Variants in PPARGC1A observed in about 807,000 individuals in gnomAD.
The protein encoded by PPARGC1A is peroxisome proliferator-activated receptor gamma coactivator 1-alpha.
Under a neutral mutation model 88.7 loss-of-function variants are expected in PPARGC1A, and 25 were observed. The ratio of observed to expected loss-of-function variants is 0.28; its 90% CI spans 0.21 to 0.39. The LOEUF is 0.39. Among genes scored for constraint, PPARGC1A ranks in the 10% least tolerant of loss-of-function variants. PPARGC1A has a pLI of 1.00. For missense variants in PPARGC1A, 880 were observed against 968.7 expected, an observed-to-expected ratio of 0.91 and a Z score of 1.22; for synonymous variants, 363 against 355.6, an observed-to-expected ratio of 1.02 and a Z score of -0.24.
the PPARGC1A span, among the ~76,000 whole-genome samples, chr4:24,255,896 T>C: frequency 6.6e-6 from 1 of 152,210 alleles, no homozygotes; most frequent in Non-Finnish European, 1.5e-5. Context: ...CATAGGGTTG[T>C]TGGGTGAATG....
chr4:24,030,381 T>C, the PPARGC1A span, among the ~76,000 whole-genome samples: 1 of 152,230 alleles, frequency 6.6e-6, no homozygotes, highest in Admixed American at 6.5e-5. Context: ...TAATGGCTGA[T>C]GTCAATAGTC....
At chr4:24,431,129 AAAAAAAAAAAAAAGAG>A in the PPARGC1A span, among the ~76,000 whole-genome samples, 8 of 150,506 alleles carry the variant, frequency 5.3e-5, no homozygotes, top group African/African-American at 1.9e-4. Flanking sequence ...CATCTCAAAA[AAAAAAAAAAAAAAGAG>A]AAAAAAAAAA....
chr4:23,929,993 T>A, the PPARGC1A span, among the ~76,000 whole-genome samples: 1 of 152,118 alleles, frequency 6.6e-6, no homozygotes, highest in South Asian at 2.1e-4. Flanking sequence ...TGGCTGATAT[T>A]CAACCTCTCC....
chr4:24,175,296 T>G, the PPARGC1A span, among the ~76,000 whole-genome samples: 1 of 151,826 alleles, frequency 6.6e-6, no homozygotes, highest in Non-Finnish European at 1.5e-5. Flanking sequence ...GATAAAGAGA[T>G]GATCCCATTT....
chr4:24,377,855 T>A, the PPARGC1A span, among the ~76,000 whole-genome samples: 1 of 152,200 alleles, frequency 6.6e-6, no homozygotes. Flanking sequence ...ATTGTTTCTG[T>A]GGAATATTGT....
At chr4:24,423,610 T>A in the PPARGC1A span, among the ~76,000 whole-genome samples, 1 of 152,210 alleles carries the variant, frequency 6.6e-6, no homozygotes, top group East Asian at 1.9e-4. Flanking sequence ...TATAAAAAGT[T>A]TGAGTTGAGT....
Position 23,841,180 on chromosome 4 carries a change from T to C in PPARGC1A, c.235-9429A>G, listed in dbSNP as rs1055702005. On this transcript the variant is annotated intron_variant, in intron 2 of 12. Transcript: ENST00000264867. The stretch of plus-strand genomic sequence containing the variant: ...AAACATCTTGAAAGAGTCAAGATGC[T>C]TTCGTGAAGAGATAATCATGCCAGA... 3.9e-5 allele frequency among the ~76,000 whole-genome samples: 6 copies of C among 152,194 alleles called. No individual in the cohort carries two copies. The East Asian group carries it at 1.2e-3, about 30-fold the overall frequency.
At chr4:23,919,085 C>G in the PPARGC1A span, among the ~76,000 whole-genome samples, 1 of 152,132 alleles carries the variant, frequency 6.6e-6, no homozygotes, top group Non-Finnish European at 1.5e-5. Context: ...TCACCCTTCT[C>G]TAATTTCATC....
At chr4:24,332,266 C>A in the PPARGC1A span, among the ~76,000 whole-genome samples, 1 of 152,098 alleles carries the variant, frequency 6.6e-6, no homozygotes, top group Non-Finnish European at 1.5e-5. Flanking sequence ...GCATGAACCA[C>A]CATGCCTGGC....
At chr4:24,454,355 C>A in the PPARGC1A span, among the ~76,000 whole-genome samples, 1 of 151,544 alleles carries the variant, frequency 6.6e-6, no homozygotes, top group Non-Finnish European at 1.5e-5. Flanking sequence ...GTTTTTGGTA[C>A]ACTGAAAAAG....
At chr4:24,158,262 C>T in the PPARGC1A span, among the ~76,000 whole-genome samples, 1 of 152,136 alleles carries the variant, frequency 6.6e-6, no homozygotes, top group Non-Finnish European at 1.5e-5. Context: ...AGAACCTCAT[C>T]ATCAGTCACT....
chr4:24,305,621 T>C, the PPARGC1A span, among the ~76,000 whole-genome samples: 1 of 152,174 alleles, frequency 6.6e-6, no homozygotes, highest in African/African-American at 2.4e-5. Flanking sequence ...GAGACCAGCC[T>C]GACCAACATG....
the PPARGC1A span, among the ~76,000 whole-genome samples, chr4:24,146,122 C>T: frequency 6.6e-6 from 1 of 152,160 alleles, no homozygotes; most frequent in Non-Finnish European, 1.5e-5. Flanking sequence ...TCTGAACCTC[C>T]AAGATGAGAC....
chr4:23,885,590 T>A (rs1250992594), intron 1 of PPARGC1A, among the ~76,000 whole-genome samples: 1 of 152,184 alleles, frequency 6.6e-6, no homozygotes, highest in Non-Finnish European at 1.5e-5. Context: ...TTCCTTAAGA[T>A]GAAGGACAAA....
chr4:24,307,082 T>C, the PPARGC1A span, among the ~76,000 whole-genome samples: 1 of 152,350 alleles, frequency 6.6e-6, no homozygotes, highest in East Asian at 1.9e-4. Context: ...CAGTTAATTC[T>C]TCTATTTAAA....
chr4:24,168,465 G>A, the PPARGC1A span, among the ~76,000 whole-genome samples: 4 of 152,288 alleles, frequency 2.6e-5, no homozygotes, highest in East Asian at 1.9e-4. Context: ...ATGAGCACTC[G>A]TAGCATTCAG....
chr4:24,310,293 CA>C, the PPARGC1A span, among the ~76,000 whole-genome samples: 2 of 151,956 alleles, frequency 1.3e-5, no homozygotes, highest in African/African-American at 4.8e-5. Context: ...CTAAAAACCA[CA>C]AAAATGGGAA....
At chr4:24,355,951 C>T in the PPARGC1A span, among the ~76,000 whole-genome samples, 1 of 151,918 alleles carries the variant, frequency 6.6e-6, no homozygotes. Context: ...AATCCCGGTA[C>T]TTTGGGAGGC....
At chr4:24,161,165 T>C in the PPARGC1A span, among the ~76,000 whole-genome samples, 1 of 152,160 alleles carries the variant, frequency 6.6e-6, no homozygotes, top group Non-Finnish European at 1.5e-5. Context: ...AGGAAGAATA[T>C]AGCATTGTTA....
Sources: gnomAD v4.1 joint callset for allele counts (sites outside exome capture counted in the v4.1 genomes callset) on GRCh38, gnomAD v4.1.1 for gene constraint, MANE v1.5 for transcripts, NCBI Gene and HGNC (gene_info 2026-07-23, HGNC 2026-07-21) for gene names.